Variants in RNASE4 observed in about 807,000 individuals in gnomAD.
The protein encoded by RNASE4 is ribonuclease A family member 4, also known as ribonuclease 4.
For synonymous variants in RNASE4, 93 were observed against 71.4 expected, an observed-to-expected ratio of 1.30 and a Z score of -1.52; for missense variants, 194 against 192.8, an observed-to-expected ratio of 1.01 and a Z score of -0.04.
Position 20,693,686 on chromosome 14 carries a change from A to T in RNASE4, c.-17-5669A>T, listed in dbSNP as rs121909536. 1.8e-3 allele frequency: 2,878 copies of T among 1,614,170 alleles called. 9 individuals are homozygous for T. The highest frequency in any genetic ancestry group is 2.9e-3 in the South Asian group (264 of 91,078). On this transcript the variant is annotated intron_variant, in intron 1 of 1. Coordinates refer to ENST00000555835, the MANE Select transcript of RNASE4 (RefSeq NM_002937.5). ...TTCCTGACCCAGCACTATGATGCCA[A>T]ACCACAGGGCCGGGATGACAGATAC... is the stretch of plus-strand genomic sequence containing the variant.
intron 1 of RNASE4, among the ~76,000 whole-genome samples, chr14:20,690,209 G>A (rs1422463150): frequency 1.0e-5 from 1 of 99,404 alleles, no homozygotes; most frequent in Non-Finnish European, 1.8e-5. Flanking sequence ...GCGACAGAGC[G>A]AGACTCCGTC....
At chr14:20,686,355 A>G (rs1219127311) in intron 1 of RNASE4, among the ~76,000 whole-genome samples, 2 of 152,220 alleles carry the variant, frequency 1.3e-5, no homozygotes, top group Non-Finnish European at 2.9e-5. Flanking sequence ...TAATCAGGTT[A>G]TAAGCAGGCA....
chr14:20,685,277 A>T (rs1176301213), intron 1 of RNASE4, among the ~76,000 whole-genome samples: 1 of 152,136 alleles, frequency 6.6e-6, no homozygotes, highest in Non-Finnish European at 1.5e-5. Context: ...TTCCTACTGG[A>T]AGGTTGGGAT....
chr14:20,690,341 A>G (rs955827474), intron 1 of RNASE4, among the ~76,000 whole-genome samples: 1 of 152,046 alleles, frequency 6.6e-6, no homozygotes, highest in African/African-American at 2.4e-5. Context: ...ACAGAAGGAT[A>G]TATCTATAGG....
intron 1 of RNASE4, among the ~76,000 whole-genome samples, chr14:20,689,345 T>C (rs896382414): frequency 6.6e-6 from 1 of 152,070 alleles, no homozygotes; most frequent in Admixed American, 6.6e-5. Flanking sequence ...CACTGGCAGG[T>C]TGAAGGGAAG....
At chr14:20,691,447 G>A (rs11156631) in intron 1 of RNASE4, among the ~76,000 whole-genome samples, 4,264 of 152,312 alleles carry the variant, frequency 0.028, 200 homozygotes, top group African/African-American at 0.098. Context: ...TGAAAAGCAT[G>A]ATGTAAATGT....
chr14:20,696,326 T>C (rs980021735), intron 1 of RNASE4, among the ~76,000 whole-genome samples: 2 of 152,158 alleles, frequency 1.3e-5, no homozygotes, highest in Non-Finnish European at 2.9e-5. Flanking sequence ...CCTAGTCCTT[T>C]TTGGTCTGGG....
intron 1 of RNASE4, among the ~76,000 whole-genome samples, chr14:20,687,084 C>T (rs181045690): frequency 2.0e-5 from 3 of 152,228 alleles, no homozygotes; most frequent in Admixed American, 1.3e-4. Flanking sequence ...TTGCAATTGG[C>T]GATTCCTTCA....
chr14:20,685,831 G>T (rs796943513), intron 1 of RNASE4, among the ~76,000 whole-genome samples: 109 of 152,046 alleles, frequency 7.2e-4, no homozygotes, highest in African/African-American at 2.5e-3. Flanking sequence ...CACAAGATCA[G>T]GAGTTCGAGA....
At chr14:20,685,659 T>C (rs1005316233) in intron 1 of RNASE4, among the ~76,000 whole-genome samples, 6 of 152,236 alleles carry the variant, frequency 3.9e-5, no homozygotes, top group Non-Finnish European at 5.9e-5. Flanking sequence ...TTTATGGTAA[T>C]AGTCAATGTA....
In RNASE4 at chr14:20,693,733, C is replaced by T. The variant is rs749308574; in HGVS notation, c.-17-5622C>T. 6.8e-6 allele frequency: 11 copies of T among 1,614,208 alleles called. No individual in the cohort carries two copies. The highest frequency in any genetic ancestry group is 5.0e-5 in the Admixed American group (3 of 60,032). On this transcript the variant is annotated intron_variant, in intron 1 of 1. Transcript: ENST00000555835. Reference sequence around the variant, plus strand: ...ATACTGTGAAAGCATCATGAGGAGACGGGGCCTGACCTCACCCTGCAAAGA... The same window carrying T: ...ATACTGTGAAAGCATCATGAGGAGATGGGGCCTGACCTCACCCTGCAAAGA...
rs1195174822 is a variant in RNASE4, at chr14:20,700,046, G to A, written c.*231G>A. On this transcript the variant is annotated 3_prime_UTR_variant, in exon 2 of 2. Transcript: ENST00000555835. The stretch of plus-strand genomic sequence containing the variant: ...TAATAAGCTTCCTTTTATAATACTG[G>A]TCAGCTTAGCTCTCTCAGATCCTAT... 4.0e-5 allele frequency: 22 copies of A among 548,538 alleles called. No individual in the cohort carries two copies. Among genetic ancestry groups the A allele is most frequent in the Middle Eastern group, 9.9e-4 (2 of 2,030 alleles). 34.0% of individuals were successfully genotyped at this position (548,538 alleles called of 1,614,324 possible).
chr14:20,699,559 C>T lies in RNASE4; in HGVS notation c.188C>T (p.Thr63Ile). 6.2e-7 allele frequency: 1 copy of T among 1,614,210 alleles called. No individual in the cohort carries two copies. Among genetic ancestry groups the T allele is most frequent in the African/African-American group, 1.3e-5 (1 of 75,052 alleles). Residue 63 changes from threonine (T) to isoleucine (I), a missense_variant, in exon 2 of 2, where the codon ACT (threonine) becomes ATT (isoleucine). Transcript: ENST00000555835. ...CNLMMQRRKM[T>I]LYHCKRFNTF... Reference sequence around the variant, plus strand: ...TTGATGATGCAAAGACGGAAGATGACTTTGTATCACTGCAAGCGCTTCAAC... The same window carrying T: ...TTGATGATGCAAAGACGGAAGATGATTTTGTATCACTGCAAGCGCTTCAAC...
rs1189136351 is a variant in RNASE4, at chr14:20,690,012, G to A, written c.-18+5254G>A. Among the ~76,000 whole-genome samples the A allele has an allele frequency of 6.1e-5, 9 of 147,580 alleles. No individual in the cohort carries two copies. The East Asian group carries it at 7.9e-4, about 13-fold the overall frequency. The stretch of plus-strand genomic sequence containing the variant: ...GGGTGGATCATGAGGTCAGGAGATC[G>A]AGACCATCCTGGCTAACAAGGTGAA... On this transcript the variant is annotated intron_variant, in intron 1 of 1. Transcript: ENST00000555835.
intron 1 of RNASE4, among the ~76,000 whole-genome samples, chr14:20,687,168 A>T (rs891297510): frequency 2.6e-5 from 4 of 152,276 alleles, no homozygotes; most frequent in African/African-American, 9.6e-5. Context: ...TATTTTAAAC[A>T]CAAATGACTA....
intron 1 of RNASE4, among the ~76,000 whole-genome samples, chr14:20,695,931 A>G (rs1887077949): frequency 6.6e-6 from 1 of 152,228 alleles, no homozygotes. Context: ...AGTATTCCAA[A>G]CCTCTGTCAC....
intron 1 of RNASE4, among the ~76,000 whole-genome samples, chr14:20,697,406 C>A (rs567520488): frequency 1.3e-5 from 2 of 152,340 alleles, no homozygotes; most frequent in South Asian, 4.1e-4. Context: ...CTTCCTCCCA[C>A]AACCTCTTTA....
chr14:20,693,642 T>C (rs1886929351), intron 1 of RNASE4: 1 of 1,614,024 alleles, frequency 6.2e-7, no homozygotes, highest in Non-Finnish European at 8.5e-7. Flanking sequence ...TGGCTCAGGA[T>C]AACTCCAGGT....
At position 20,699,336 on chromosome 14, in the gene RNASE4, C is replaced by T. The variant is rs768059553; in HGVS notation, c.-17-19C>T. On this transcript the variant is annotated intron_variant, in intron 1 of 1. Coordinates refer to ENST00000555835, the MANE Select transcript of RNASE4 (RefSeq NM_002937.5). ...CCAGTTCTTACCTTATTTCTCCTGC[C>T]CCTTGCTTTCTTTTCTAGGCACCTC... 2 of 1,537,348 alleles carry T rather than the reference C, an allele frequency of 1.3e-6. No individual in the cohort carries two copies. Among genetic ancestry groups the T allele is most frequent in the South Asian group, 1.3e-5 (1 of 79,514 alleles).
Sources: gnomAD v4.1 joint callset for allele counts (sites outside exome capture counted in the v4.1 genomes callset) on GRCh38, gnomAD v4.1.1 for gene constraint, MANE v1.5 for transcripts, NCBI Gene and HGNC (gene_info 2026-07-23, HGNC 2026-07-21) for gene names.